The following PTPRD variants were observed in gnomAD, a reference collection of about 807,000 sequenced individuals.
The protein encoded by PTPRD is protein tyrosine phosphatase receptor type D.
Under a neutral mutation model 214.5 loss-of-function variants are expected in PTPRD, and 34 were observed. That is an observed-to-expected ratio of 0.16 (90% CI 0.12 to 0.21). The LOEUF (loss-of-function observed/expected upper bound fraction) is 0.21, where lower values mean the gene tolerates loss of function less well. Ranked by LOEUF, PTPRD falls within the 10% of genes least tolerant of loss-of-function variation. The pLI, the probability that PTPRD is intolerant of heterozygous loss-of-function variation, is 1.00. For missense variants in PTPRD, 2,545 were observed against 2,398.7 expected (o/e 1.06, Z -1.27); for synonymous variants, 1,128 against 845.7 (o/e 1.33, Z -5.79).
At chr9:8,559,364 C>T (rs2085257813) in intron 14 of PTPRD, among the ~76,000 whole-genome samples, 1 of 152,136 alleles carries the variant, frequency 6.6e-6, no homozygotes. Flanking sequence ...ACATATACCT[C>T]TCAAATATGA....
intron 3 of PTPRD, among the ~76,000 whole-genome samples, chr9:10,062,127 T>C (rs1442059861): frequency 2.6e-5 from 4 of 152,060 alleles, no homozygotes; most frequent in African/African-American, 7.2e-5. Context: ...AACTCACTAA[T>C]GAGGAGGGTG....
rs1254898023 is a variant in PTPRD at position 9,277,253 on chromosome 9, C to G, written c.-202-93890G>C. ...TTCCCTATGTTTTTGAATATTCTTTCTCTACCAGTTCATTCAGTATGGTTG... is the reference window on the plus strand; with the variant it reads ...TTCCCTATGTTTTTGAATATTCTTTGTCTACCAGTTCATTCAGTATGGTTG... On this transcript the variant is annotated intron_variant, in intron 9 of 45. Coordinates refer to ENST00000381196, the MANE Select transcript of PTPRD (RefSeq NM_002839.4). 2.0e-5 allele frequency among the ~76,000 whole-genome samples: 3 copies of G among 151,324 alleles called. No individual in the cohort carries two copies. In the Admixed American group the frequency reaches 2.0e-4, roughly 10 times the overall value.
rs760931364 is a variant in PTPRD, at chr9:8,484,211, T to C, written c.3321A>G (p.Val1107=). 10 of 1,614,192 alleles carry C rather than the reference T, an allele frequency of 6.2e-6. No homozygotes were observed. Among genetic ancestry groups the C allele is most frequent in the South Asian group, 1.1e-5 (1 of 91,088 alleles). The change falls in exon 30 of 46, where the codon GTA becomes GTG. Residue 1107 remains valine (V), a synonymous_variant. Coordinates refer to ENST00000381196, the MANE Select transcript of PTPRD (RefSeq NM_002839.4). ...CAATGAAGGCAGGCTTGGTACGTAA[T>C]ACATCTGGTGCAGTCTTTGCCGTGA... ...HRVTAKTAPD[V]LRTKPAFIGK...
intron 3 of PTPRD, among the ~76,000 whole-genome samples, chr9:10,104,073 C>A (rs917266049): frequency 2.8e-4 from 43 of 151,764 alleles, no homozygotes; most frequent in African/African-American, 9.9e-4. Context: ...CACAAAAGGA[C>A]AAATACTGTT....
At chr9:9,645,150 C>A (rs1266693946) in intron 7 of PTPRD, among the ~76,000 whole-genome samples, 1 of 152,224 alleles carries the variant, frequency 6.6e-6, no homozygotes, top group African/African-American at 2.4e-5. Flanking sequence ...ACCTGCTCAC[C>A]TGCGTGCTTG....
intron 2 of PTPRD, among the ~76,000 whole-genome samples, chr9:10,484,096 C>A (rs1589209784): frequency 1.3e-5 from 2 of 152,022 alleles, no homozygotes; most frequent in African/African-American, 4.8e-5. Flanking sequence ...GACACACACA[C>A]CATGGAATAC....
In PTPRD at chr9:8,373,289, G is replaced by A. The variant is rs189267705; in HGVS notation, c.4661+2647C>T. ...GATTCAAGATAACATGGATGTTGACGATGTTGACATGACCCTCCTAAATAA... is the reference window on the plus strand; with the variant it reads ...GATTCAAGATAACATGGATGTTGACAATGTTGACATGACCCTCCTAAATAA... On this transcript the variant is annotated intron_variant, in intron 39 of 45. Coordinates refer to ENST00000381196, the MANE Select transcript of PTPRD (RefSeq NM_002839.4). Among the ~76,000 whole-genome samples, 343 of 152,038 alleles carry A rather than the reference G, an allele frequency of 2.3e-3. 11 individuals are homozygous for A. The highest frequency in any genetic ancestry group is 2.6e-4 in the Non-Finnish European group (18 of 67,932).
intron 5 of PTPRD, among the ~76,000 whole-genome samples, chr9:9,873,012 C>T (rs1410362676): frequency 6.6e-6 from 1 of 152,056 alleles, no homozygotes; most frequent in African/African-American, 2.4e-5. Context: ...AAGATCAATA[C>T]TATTTTGATA....
chr9:8,805,011 A>C (rs1050277434), intron 11 of PTPRD, among the ~76,000 whole-genome samples: 4 of 152,210 alleles, frequency 2.6e-5, no homozygotes, highest in African/African-American at 9.6e-5. Flanking sequence ...GAGGCTCAGA[A>C]GGGATTACAG....
At chr9:8,787,921 A>T (rs899585786) in intron 11 of PTPRD, among the ~76,000 whole-genome samples, 1 of 151,942 alleles carries the variant, frequency 6.6e-6, no homozygotes, top group African/African-American at 2.4e-5. Context: ...ACCTTTTTTT[A>T]AAACTCATTT....
chr9:9,609,266 T>C (rs1387352814), intron 7 of PTPRD, among the ~76,000 whole-genome samples: 3 of 152,172 alleles, frequency 2.0e-5, no homozygotes, highest in Admixed American at 1.3e-4. Context: ...AATCATCTGA[T>C]TGATCATCAA....
chr9:10,184,945 C>G (rs1424043891), intron 3 of PTPRD, among the ~76,000 whole-genome samples: 2 of 152,114 alleles, frequency 1.3e-5, no homozygotes, highest in Admixed American at 1.3e-4. Flanking sequence ...AGGTCTATAA[C>G]CACAGCAGTG....
At chr9:8,856,879 A>G (rs888602573) in intron 11 of PTPRD, among the ~76,000 whole-genome samples, 1 of 152,248 alleles carries the variant, frequency 6.6e-6, no homozygotes, top group Non-Finnish European at 1.5e-5. Context: ...ATCAACGTCC[A>G]GAGAAGCAAT....
At chr9:10,564,171 C>CTTTTTCTTT (rs2064914584) in intron 2 of PTPRD, among the ~76,000 whole-genome samples, 1 of 29,408 alleles carries the variant, frequency 3.4e-5, no homozygotes, top group Non-Finnish European at 5.5e-5. Flanking sequence ...CTAGGCTATT[C>CTTTTTCTTT]TTTTTTTTTT....
At chr9:8,765,513 T>C (rs1468480617) in intron 11 of PTPRD, among the ~76,000 whole-genome samples, 1 of 152,060 alleles carries the variant, frequency 6.6e-6, no homozygotes, top group Admixed American at 6.5e-5. Flanking sequence ...TAGAAGCGGG[T>C]ATTATCAGTC....
chr9:9,796,156 G>A (rs765781401), intron 5 of PTPRD, among the ~76,000 whole-genome samples: 1 of 151,756 alleles, frequency 6.6e-6, no homozygotes, highest in Non-Finnish European at 1.5e-5. Context: ...ATCCCCAAAT[G>A]GATACTAAGT....
chr9:9,877,392 C>T (rs1378369330), intron 5 of PTPRD, among the ~76,000 whole-genome samples: 2 of 151,768 alleles, frequency 1.3e-5, no homozygotes, highest in Non-Finnish European at 2.9e-5. Flanking sequence ...GCCACTTTTC[C>T]TCCACTCTTT....
intron 4 of PTPRD, among the ~76,000 whole-genome samples, chr9:9,956,967 C>G (rs530043929): frequency 7.2e-5 from 11 of 152,030 alleles, no homozygotes; most frequent in African/African-American, 2.7e-4. Context: ...AATCAGTGCC[C>G]GTAACTAGCT....
chr9:9,342,653 A>T (rs1028057998), intron 9 of PTPRD, among the ~76,000 whole-genome samples: 2 of 152,056 alleles, frequency 1.3e-5, no homozygotes, highest in African/African-American at 4.8e-5. Flanking sequence ...TGTTGAACAA[A>T]ATGTGGTTAC....
Sources: gnomAD v4.1 joint callset for allele counts (sites outside exome capture counted in the v4.1 genomes callset) on GRCh38, gnomAD v4.1.1 for gene constraint, MANE v1.5 for transcripts, NCBI Gene and HGNC (gene_info 2026-07-23, HGNC 2026-07-21) for gene names.